The following WDFY2 variants were observed in gnomAD, a reference collection of about 807,000 sequenced individuals.
WDFY2 encodes the protein WD repeat and FYVE domain containing 2.
A neutral mutation model predicts 56.4 loss-of-function variants in WDFY2; 36 were observed. The observed-to-expected ratio is 0.64, with a 90% CI of 0.49 to 0.84. WDFY2 has a LOEUF of 0.84. Ranked by LOEUF, WDFY2 falls within the 40% of genes least tolerant of loss-of-function variation. The probability of loss-of-function intolerance (pLI) is 0.00; values close to 1 mark genes in which losing one functional copy is unlikely to be tolerated. For missense variants in WDFY2, 444 were observed against 512.2 expected (o/e 0.87, Z 1.29); for synonymous variants, 176 against 183.7 (o/e 0.96, Z 0.34).
intron 3 of WDFY2, among the ~76,000 whole-genome samples, chr13:51,699,372 G>C (rs954362162): frequency 6.6e-6 from 1 of 152,164 alleles, no homozygotes; most frequent in African/African-American, 2.4e-5. Context: ...AAGCAGCTGG[G>C]CATCTTGTGA....
intron 2 of WDFY2, among the ~76,000 whole-genome samples, chr13:51,661,179 A>T (rs1955604765): frequency 6.6e-6 from 1 of 152,228 alleles, no homozygotes; most frequent in African/African-American, 2.4e-5. Context: ...TTGCACTGAT[A>T]AATAATGGAT....
chr13:51,605,813 A>G (rs919880226), intron 1 of WDFY2, among the ~76,000 whole-genome samples: 7 of 152,204 alleles, frequency 4.6e-5, no homozygotes, highest in African/African-American at 1.7e-4. Context: ...GCCATTGTAA[A>G]TGTTCTCCTT....
At chr13:51,658,645 A>G (rs1314168773) in intron 1 of WDFY2, among the ~76,000 whole-genome samples, 1 of 152,202 alleles carries the variant, frequency 6.6e-6, no homozygotes, top group South Asian at 2.1e-4. Flanking sequence ...ATCTCAATAA[A>G]ACAATTTTGT....
intron 3 of WDFY2, among the ~76,000 whole-genome samples, chr13:51,688,366 G>C (rs1321300906): frequency 6.6e-6 from 1 of 152,038 alleles, no homozygotes; most frequent in Non-Finnish European, 1.5e-5. Context: ...TTTTTTCTTT[G>C]CTCATAGAGA....
intron 6 of WDFY2, among the ~76,000 whole-genome samples, chr13:51,733,729 CAG>C (rs1189736120): frequency 1.3e-5 from 2 of 152,152 alleles, no homozygotes; most frequent in African/African-American, 4.8e-5. Context: ...GTTTGGAGAA[CAG>C]GGGTCAGCCG....
At chr13:51,591,971 AG>A (rs1022148434) in intron 1 of WDFY2, 4 of 139,182 alleles carry the variant, frequency 2.9e-5, no homozygotes, top group African/African-American at 1.0e-4. Flanking sequence ...AGAGCCAGAG[AG>A]GGTTCAGAAA....
At chr13:51,606,646 A>G (rs1350033280) in intron 1 of WDFY2, among the ~76,000 whole-genome samples, 1 of 152,184 alleles carries the variant, frequency 6.6e-6, no homozygotes, top group African/African-American at 2.4e-5. Flanking sequence ...GCAATATTGT[A>G]ATAAGTAAAT....
Position 51,642,437 on chromosome 13 carries a change from T to A in WDFY2, c.138-18159T>A, listed in dbSNP as rs142923172. On this transcript the variant is annotated intron_variant, in intron 1 of 11. Transcript: ENST00000298125. ...ACAGTAGCTGGGACTACAGGTGTGC[T>A]CCACCACTCCTGGCTAATTTTATTA... 2.2e-3 allele frequency among the ~76,000 whole-genome samples: 328 copies of A among 150,696 alleles called. 10 individuals are homozygous for A. The East Asian group carries it at 0.057, about 26-fold the overall frequency.
intron 3 of WDFY2, among the ~76,000 whole-genome samples, chr13:51,696,423 G>A (rs1209804987): frequency 6.6e-6 from 1 of 152,078 alleles, no homozygotes; most frequent in African/African-American, 2.4e-5. Flanking sequence ...AAGAATTTAG[G>A]AGCACATAGC....
At chr13:51,747,695 CTGAG>C (rs958924052) in intron 7 of WDFY2, among the ~76,000 whole-genome samples, 1 of 152,086 alleles carries the variant, frequency 6.6e-6, no homozygotes, top group African/African-American at 2.4e-5. Flanking sequence ...CCACATCTGA[CTGAG>C]TTTTTAATTT....
At chr13:51,643,939 A>G (rs927749813) in intron 1 of WDFY2, among the ~76,000 whole-genome samples, 7 of 152,312 alleles carry the variant, frequency 4.6e-5, no homozygotes, top group African/African-American at 1.4e-4. Flanking sequence ...TTGATTATTC[A>G]GGGAATTTCT....
chr13:51,751,204 G>A (rs1221703172), intron 7 of WDFY2, 106 bp from the exon 8 acceptor site: 1 of 956,002 alleles, frequency 1.0e-6, no homozygotes, highest in South Asian at 1.7e-5. Context: ...ATCTACACTG[G>A]GGGCTCGGAG....
At chr13:51,749,779 T>C (rs960838059) in intron 7 of WDFY2, among the ~76,000 whole-genome samples, 30 of 152,186 alleles carry the variant, frequency 2.0e-4, no homozygotes, top group Non-Finnish European at 4.0e-4. Flanking sequence ...CCAATGATTA[T>C]TGATTAGCTC....
At chr13:51,700,749 T>C (rs1951966150) in intron 3 of WDFY2, among the ~76,000 whole-genome samples, 1 of 151,990 alleles carries the variant, frequency 6.6e-6, no homozygotes, top group South Asian at 2.1e-4. Context: ...GCAGATCACC[T>C]GAGGTCGGGG....
intron 3 of WDFY2, among the ~76,000 whole-genome samples, chr13:51,694,747 A>C (rs1951825529): frequency 6.6e-6 from 1 of 152,156 alleles, no homozygotes; most frequent in South Asian, 2.1e-4. Context: ...AGATTGGGGA[A>C]GTTCTCCTGG....
chr13:51,710,613 C>T (rs1404529628), intron 4 of WDFY2, among the ~76,000 whole-genome samples: 2 of 152,062 alleles, frequency 1.3e-5, no homozygotes, highest in Non-Finnish European at 1.5e-5. Flanking sequence ...AATAAATGTG[C>T]AAAAATCACA....
intron 1 of WDFY2, among the ~76,000 whole-genome samples, chr13:51,655,643 G>C (rs1483895155): frequency 1.3e-5 from 2 of 152,036 alleles, no homozygotes; most frequent in Non-Finnish European, 2.9e-5. Context: ...TAAGTCTGTA[G>C]TTTTCTTGTG....
At chr13:51,750,829 A>G (rs1415419349) in intron 7 of WDFY2, among the ~76,000 whole-genome samples, 2 of 152,192 alleles carry the variant, frequency 1.3e-5, no homozygotes, top group Non-Finnish European at 2.9e-5. Context: ...GTCCCAAGCC[A>G]CTTGTGAGGT....
At chr13:51,584,945 T>C in intron 1 of WDFY2, 121 bp downstream of exon 1, 3 of 1,356,380 alleles carry the variant, frequency 2.2e-6, no homozygotes, top group Non-Finnish European at 3.0e-6. Context: ...CAAGTTTTAT[T>C]GTAATGCGCA....
Sources: gnomAD v4.1 joint callset for allele counts (sites outside exome capture counted in the v4.1 genomes callset) on GRCh38, gnomAD v4.1.1 for gene constraint, MANE v1.5 for transcripts, NCBI Gene and HGNC (gene_info 2026-07-23, HGNC 2026-07-21) for gene names.